Variants in SEZ6L observed in about 807,000 individuals in gnomAD.
SEZ6L encodes the protein seizure related 6 homolog like.
Under a neutral mutation model 106.2 loss-of-function variants are expected in SEZ6L, and 37 were observed. That is an observed-to-expected ratio of 0.35 (90% CI 0.27 to 0.46). The LOEUF is 0.46. Among genes scored for constraint, SEZ6L ranks in the 20% least tolerant of loss-of-function variants. The probability of loss-of-function intolerance (pLI) is 1.00; values close to 1 mark genes in which losing one functional copy is unlikely to be tolerated. For missense variants in SEZ6L, 1,172 were observed against 1,332.8 expected (o/e 0.88, Z 1.88); for synonymous variants, 541 against 570.4 (o/e 0.95, Z 0.73).
At chr22:26,287,804 TG>T (rs913126970) in intron 1 of SEZ6L, among the ~76,000 whole-genome samples, 12 of 152,206 alleles carry the variant, frequency 7.9e-5, no homozygotes, top group African/African-American at 2.9e-4. Context: ...GTGTTGGACT[TG>T]GCCTTAAGTT....
At chr22:26,246,282 C>A (rs993810446) in intron 1 of SEZ6L, among the ~76,000 whole-genome samples, 1 of 152,214 alleles carries the variant, frequency 6.6e-6, no homozygotes, top group Admixed American at 6.5e-5. Flanking sequence ...TAGAAAGACA[C>A]CTTCCTTTAC....
chr22:26,305,673 T>A (rs1183194853), intron 5 of SEZ6L, among the ~76,000 whole-genome samples: 1 of 152,244 alleles, frequency 6.6e-6, no homozygotes, highest in Admixed American at 6.5e-5. Context: ...ACCACAGAAC[T>A]GTCGTTAAAT....
Position 26,306,013 on chromosome 22 carries a change from C to A in SEZ6L, c.1383C>A (p.Ile461=). 1 of 1,584,190 alleles carries A rather than the reference C, an allele frequency of 6.3e-7. No homozygotes were observed. Among genetic ancestry groups the A allele is most frequent in the African/African-American group, 1.3e-5 (1 of 74,476 alleles). ...GAGGGGCAGTGCACAATGCCACCATCGGCCGCGTCCTCTCCCCAAGTTACC... is the reference window on the plus strand; with the variant it reads ...GAGGGGCAGTGCACAATGCCACCATAGGCCGCGTCCTCTCCCCAAGTTACC... The part of the protein sequence containing the change: ...PCGGAVHNAT[I]GRVLSPSYPE... Residue 461 remains isoleucine (I), a synonymous_variant, in exon 6 of 17, where the codon ATC becomes ATA. Coordinates refer to ENST00000248933, the MANE Select transcript of SEZ6L (RefSeq NM_021115.5).
intron 16 of SEZ6L, among the ~76,000 whole-genome samples, chr22:26,379,398 G>C (rs28692821): frequency 0.054 from 8,231 of 152,306 alleles, 400 homozygotes; most frequent in African/African-American, 0.13. Flanking sequence ...ACCCCACAAA[G>C]GCATGAGCCC....
At chr22:26,221,181 C>G (rs1329641119) in intron 1 of SEZ6L, among the ~76,000 whole-genome samples, 1 of 152,086 alleles carries the variant, frequency 6.6e-6, no homozygotes, top group African/African-American at 2.4e-5. Context: ...TACCCCCTGG[C>G]CTTATTCACC....
rs1175037435 is a variant in SEZ6L, at chr22:26,333,490, G to A, written c.2016-6946G>A. Among the ~76,000 whole-genome samples the A allele has an allele frequency of 1.3e-5, 2 of 152,220 alleles. 1 individual carries two copies. Among genetic ancestry groups the A allele is most frequent in the Non-Finnish European group, 2.9e-5 (2 of 68,044 alleles). On this transcript the variant is annotated intron_variant, in intron 9 of 16. Transcript: ENST00000248933. ...GAGGAGTCCCCTTCCCAAGGTTGGA[G>A]CAGGGAAGAGTCCAGTCGGGGTTAG...
At chr22:26,242,875 G>C (rs2079185703) in intron 1 of SEZ6L, 1 of 152,172 alleles carries the variant, frequency 6.6e-6, no homozygotes, top group Non-Finnish European at 1.5e-5. Context: ...CCATGACAAA[G>C]TGTCACAAAC....
intron 1 of SEZ6L, among the ~76,000 whole-genome samples, chr22:26,194,014 T>G (rs539820685): frequency 6.6e-6 from 1 of 152,250 alleles, no homozygotes; most frequent in East Asian, 1.9e-4. Flanking sequence ...AGTCCAGGAA[T>G]GCACTGACCC....
At chr22:26,364,876 T>C (rs1201849051) in intron 12 of SEZ6L, 1 of 154,602 alleles carries the variant, frequency 6.5e-6, no homozygotes, top group Non-Finnish European at 1.4e-5. Flanking sequence ...GTAGTCATAA[T>C]GGATGCGCAG....
chr22:26,220,892 AATGG>A (rs56187164), intron 1 of SEZ6L, among the ~76,000 whole-genome samples: 112,412 of 149,182 alleles, frequency 0.75, 44,705 homozygotes, highest in Non-Finnish European at 0.89. Context: ...ATACTGTATG[AATGG>A]ATGGATGGAT....
At chr22:26,176,251 T>G (rs1938995789) in intron 1 of SEZ6L, among the ~76,000 whole-genome samples, 1 of 152,256 alleles carries the variant, frequency 6.6e-6, no homozygotes, top group East Asian at 1.9e-4. Context: ...CCAGAACTTT[T>G]GATTCCAAAG....
At chr22:26,368,982 C>T (rs372702491) in intron 13 of SEZ6L, among the ~76,000 whole-genome samples, 1 of 152,092 alleles carries the variant, frequency 6.6e-6, no homozygotes, top group Non-Finnish European at 1.5e-5. Context: ...AGCCAGTCAC[C>T]GCAGCATGGA....
chr22:26,347,105 A>C (rs1236857432), intron 10 of SEZ6L, among the ~76,000 whole-genome samples: 2 of 151,590 alleles, frequency 1.3e-5, no homozygotes, highest in Admixed American at 6.6e-5. Flanking sequence ...CTGAAGTGGG[A>C]GGATCACTTG....
At chr22:26,179,685 A>G (rs1172289201) in intron 1 of SEZ6L, among the ~76,000 whole-genome samples, 3 of 152,180 alleles carry the variant, frequency 2.0e-5, no homozygotes, top group Non-Finnish European at 4.4e-5. Flanking sequence ...GGACACTGCA[A>G]ATATTGAGCC....
intron 1 of SEZ6L, among the ~76,000 whole-genome samples, chr22:26,206,807 G>T (rs1374134625): frequency 6.6e-6 from 1 of 152,202 alleles, no homozygotes; most frequent in African/African-American, 2.4e-5. Flanking sequence ...ATCAGAGAAA[G>T]TTAGATGAAC....
chr22:26,191,941 A>G (rs780908667), intron 1 of SEZ6L, among the ~76,000 whole-genome samples: 1 of 152,090 alleles, frequency 6.6e-6, no homozygotes, highest in Non-Finnish European at 1.5e-5. Context: ...GTGAGGGCAC[A>G]TCCACTAACT....
chr22:26,371,962 AG>A (rs1450813754), intron 13 of SEZ6L, among the ~76,000 whole-genome samples: 2 of 152,216 alleles, frequency 1.3e-5, no homozygotes, highest in Admixed American at 1.3e-4. Context: ...GGTATGCAGG[AG>A]GGGAAGCAAC....
intron 9 of SEZ6L, among the ~76,000 whole-genome samples, chr22:26,339,523 G>T (rs895237650): frequency 5.9e-5 from 9 of 152,244 alleles, no homozygotes; most frequent in African/African-American, 2.2e-4. Flanking sequence ...TAGTGTCAAG[G>T]TACTTTCTTG....
At chr22:26,306,938 A>C (rs1326424291) in intron 6 of SEZ6L, among the ~76,000 whole-genome samples, 2 of 152,216 alleles carry the variant, frequency 1.3e-5, no homozygotes, top group Non-Finnish European at 2.9e-5. Flanking sequence ...TTTCCTTGGA[A>C]TCAGACATGG....
Sources: gnomAD v4.1 joint callset for allele counts (sites outside exome capture counted in the v4.1 genomes callset) on GRCh38, gnomAD v4.1.1 for gene constraint, MANE v1.5 for transcripts, NCBI Gene and HGNC (gene_info 2026-07-23, HGNC 2026-07-21) for gene names.